Variants in TMC1 observed in about 807,000 individuals in gnomAD.
TMC1 encodes the protein transmembrane channel-like protein 1.
TMC1 carries 84 observed loss-of-function variants against 105.8 expected under a neutral mutation model. That is an observed-to-expected ratio of 0.79 (90% confidence interval 0.67 to 0.95). TMC1 has a LOEUF of 0.95. Among genes scored for constraint, TMC1 ranks in the 40% least tolerant of loss-of-function variants. The pLI is 0.00. For synonymous variants in TMC1, 315 were observed against 311.5 expected (o/e 1.01, Z -0.12); for missense variants, 817 against 914.1 (o/e 0.89, Z 1.37).
intron 17 of TMC1, among the ~76,000 whole-genome samples, chr9:72,803,127 T>C (rs1428408207): frequency 6.6e-6 from 1 of 152,004 alleles, no homozygotes; most frequent in Non-Finnish European, 1.5e-5. Flanking sequence ...AAACAAGCAA[T>C]GGGGAAAGGA....
In TMC1 at chr9:72,837,242, T is replaced by C. The variant is rs1408163761; in HGVS notation, c.*1269T>C. 6.6e-6 allele frequency: 1 copy of C among 152,246 alleles called. No homozygotes were observed. Among genetic ancestry groups the C allele is most frequent in the Non-Finnish European group, 1.5e-5 (1 of 68,048 alleles). 9.4% of individuals were successfully genotyped at this position (152,246 alleles called of 1,614,324 possible). A position where few individuals can be genotyped will look rare whatever the true frequency, so the allele number is the denominator to read the frequency against. ...ACTAGTTAAACTCTGCCATTTTGCT[T>C]AGTGGGCATGCTTGAGCCCACTTGC... On this transcript the variant is annotated 3_prime_UTR_variant, in exon 24 of 24. Transcript: ENST00000297784.
At chr9:72,543,271 G>A (rs1823708027) in intron 1 of TMC1, among the ~76,000 whole-genome samples, 1 of 152,072 alleles carries the variant, frequency 6.6e-6, no homozygotes, top group Non-Finnish European at 1.5e-5. Flanking sequence ...TACCCCATGA[G>A]CAAATCCTAT....
At chr9:72,755,775 G>A (rs982802379) in intron 12 of TMC1, among the ~76,000 whole-genome samples, 1 of 152,108 alleles carries the variant, frequency 6.6e-6, no homozygotes, top group African/African-American at 2.4e-5. Flanking sequence ...CAGAATGAAG[G>A]AGGGAAAAGC....
At chr9:72,579,085 T>C (rs1824434292) in intron 2 of TMC1, among the ~76,000 whole-genome samples, 1 of 152,218 alleles carries the variant, frequency 6.6e-6, no homozygotes, top group East Asian at 1.9e-4. Flanking sequence ...GTAGCATCCA[T>C]TTGATTGCAG....
At chr9:72,528,536 G>T (rs1018989593) in intron 1 of TMC1, among the ~76,000 whole-genome samples, 1 of 152,038 alleles carries the variant, frequency 6.6e-6, no homozygotes, top group Non-Finnish European at 1.5e-5. Flanking sequence ...GTTTCTCCAT[G>T]TTGGTCAGGC....
chr9:72,691,701 CCAGG>C (rs1211270493), intron 6 of TMC1, among the ~76,000 whole-genome samples: 23 of 152,090 alleles, frequency 1.5e-4, no homozygotes, highest in Non-Finnish European at 2.4e-4. Context: ...CCAGTAGTCC[CCAGG>C]CATCAACAGT....
chr9:72,790,496 A>T (rs1013086597), intron 15 of TMC1, among the ~76,000 whole-genome samples: 3 of 152,212 alleles, frequency 2.0e-5, no homozygotes, highest in Non-Finnish European at 4.4e-5. Context: ...TTTGCTTTCA[A>T]AATGGTCTCA....
intron 1 of TMC1, among the ~76,000 whole-genome samples, chr9:72,575,595 T>A (rs983343856): frequency 1.3e-5 from 2 of 151,948 alleles, no homozygotes; most frequent in Admixed American, 1.3e-4. Context: ...CTATGGGGAG[T>A]TTTGTGGGCA....
chr9:72,678,914 G>C (rs1485626308), intron 5 of TMC1, among the ~76,000 whole-genome samples: 1 of 151,940 alleles, frequency 6.6e-6, no homozygotes, highest in Non-Finnish European at 1.5e-5. Flanking sequence ...GTTACCTTTA[G>C]TGTCTATGCC....
At chr9:72,746,571 A>G (rs577864683) in intron 10 of TMC1, among the ~76,000 whole-genome samples, 2 of 140,662 alleles carry the variant, frequency 1.4e-5, no homozygotes, top group Admixed American at 1.4e-4. Flanking sequence ...AAGTATTTTT[A>G]AAATGTGGCT....
chr9:72,540,166 C>A (rs1823652237), intron 1 of TMC1, among the ~76,000 whole-genome samples: 1 of 152,144 alleles, frequency 6.6e-6, no homozygotes, highest in Non-Finnish European at 1.5e-5. Context: ...TCACTAGGCC[C>A]CACCTCCAAC....
intron 5 of TMC1, among the ~76,000 whole-genome samples, chr9:72,682,191 A>G (rs879879188): frequency 2.6e-5 from 4 of 152,190 alleles, no homozygotes; most frequent in Non-Finnish European, 5.9e-5. Flanking sequence ...ATTTATTACA[A>G]AAGTTTCCAG....
chr9:72,545,613 G>A (rs1370634264), intron 1 of TMC1, among the ~76,000 whole-genome samples: 5 of 152,088 alleles, frequency 3.3e-5, no homozygotes, highest in South Asian at 2.1e-4. Flanking sequence ...TCAGCCTCCC[G>A]AGTAGCTGGG....
At chr9:72,727,133 C>G (rs906947060) in intron 8 of TMC1, among the ~76,000 whole-genome samples, 1 of 152,114 alleles carries the variant, frequency 6.6e-6, no homozygotes, top group Non-Finnish European at 1.5e-5. Context: ...TCCTGCAAAC[C>G]AATGCCTGGA....
chr9:72,576,252 G>A (rs1027321983), intron 1 of TMC1, among the ~76,000 whole-genome samples: 2 of 152,126 alleles, frequency 1.3e-5, no homozygotes, highest in African/African-American at 4.8e-5. Context: ...TTGGCCAAGA[G>A]GGTAAAAATA....
chr9:72,758,190 C>A (rs936617079), intron 12 of TMC1, among the ~76,000 whole-genome samples: 1 of 152,028 alleles, frequency 6.6e-6, no homozygotes. Context: ...ATTCTAAATT[C>A]AGCAGGAAAG....
At chr9:72,830,734 CTTTCT>C in intron 23 of TMC1, 52 bp downstream of exon 23, 5 of 1,235,830 alleles carry the variant, frequency 4.0e-6, no homozygotes, top group East Asian at 2.6e-5. Context: ...TTTTCTTTTT[CTTTCT>C]TTTTTTTTTT....
At chr9:72,683,733 T>A (rs13285461) in intron 5 of TMC1, among the ~76,000 whole-genome samples, 2,662 of 53,108 alleles carry the variant, frequency 0.05, 269 homozygotes, top group South Asian at 0.074. Flanking sequence ...GTTACACATT[T>A]TATATATATA....
intron 1 of TMC1, among the ~76,000 whole-genome samples, chr9:72,574,273 C>G (rs1392799895): frequency 3.3e-5 from 5 of 152,180 alleles, no homozygotes; most frequent in African/African-American, 1.2e-4. Context: ...AGGGTCTCCT[C>G]CAGTACAGAT....
Sources: gnomAD v4.1 joint callset for allele counts (sites outside exome capture counted in the v4.1 genomes callset) on GRCh38, gnomAD v4.1.1 for gene constraint, MANE v1.5 for transcripts, NCBI Gene and HGNC (gene_info 2026-07-23, HGNC 2026-07-21) for gene names.